Variants in SMG6 observed in about 807,000 individuals in gnomAD.
The protein encoded by SMG6 is telomerase-binding protein EST1A.
In SMG6, 66 loss-of-function variants were observed where a neutral mutation model predicts 142.2. That is an observed-to-expected ratio of 0.46 (90% CI 0.38 to 0.57). The LOEUF (loss-of-function observed/expected upper bound fraction) is 0.57. Among genes scored for constraint, SMG6 ranks in the 20% least tolerant of loss-of-function variants. The pLI, the probability that SMG6 is intolerant of heterozygous loss-of-function variation, is 0.00. For missense variants in SMG6, 1,793 were observed against 1,832.0 expected, an observed-to-expected ratio of 0.98 and a Z score of 0.39; for synonymous variants, 779 against 702.4, an observed-to-expected ratio of 1.11 and a Z score of -1.72.
chr17:2,169,293 A>C (rs1295020301), intron 13 of SMG6, among the ~76,000 whole-genome samples: 24 of 151,728 alleles, frequency 1.6e-4, no homozygotes, highest in Admixed American at 1.6e-3. Flanking sequence ...CCTGGGTGAC[A>C]AAGTGAGACT....
chr17:2,150,968 G>A (rs746421356), intron 13 of SMG6, among the ~76,000 whole-genome samples: 9 of 152,026 alleles, frequency 5.9e-5, no homozygotes, highest in Middle Eastern at 3.4e-3. Context: ...GCGTGCTGCC[G>A]CCTCAAGTAA....
At chr17:2,120,791 C>G (rs1206934899) in intron 13 of SMG6, among the ~76,000 whole-genome samples, 1 of 152,098 alleles carries the variant, frequency 6.6e-6, no homozygotes, top group East Asian at 1.9e-4. Flanking sequence ...AATGATATAT[C>G]ACCAGTCACC....
chr17:2,091,765 C>G (rs189411924), intron 13 of SMG6, among the ~76,000 whole-genome samples: 32 of 151,286 alleles, frequency 2.1e-4, no homozygotes, highest in Non-Finnish European at 3.5e-4. Context: ...CTGCCTCCCG[C>G]GTTCACGCCA....
rs118043525 is a variant in SMG6 at position 2,126,093 on chromosome 17, G to A, written c.3358-40192C>T. On this transcript the variant is annotated intron_variant, in intron 13 of 18. Transcript: ENST00000263073. ...AAAACTATACTAATCAAAACGGTGT[G>A]GTACTGGCATAGAATAGAACAGAAA... Among the ~76,000 whole-genome samples the A allele has an allele frequency of 8.4e-4, 128 of 152,208 alleles. 1 individual carries two copies. The East Asian group carries it at 0.02, about 24-fold the overall frequency.
chr17:2,127,659 T>C (rs1470100716), intron 13 of SMG6: 2 of 568,672 alleles, frequency 3.5e-6, no homozygotes, highest in African/African-American at 1.9e-5. Context: ...ACAATTCTTT[T>C]ACTCTGCTCT....
rs774435227 is a variant in SMG6, at chr17:2,172,721, C to T, written c.3294G>A (p.Ser1098=). 8 of 1,613,908 alleles carry T rather than the reference C, an allele frequency of 5.0e-6. No individual in the cohort carries two copies. The highest frequency in any genetic ancestry group is 2.7e-5 in the African/African-American group (2 of 74,872). Residue 1098 remains serine, a synonymous_variant, in exon 13 of 19, where the codon TCG becomes TCA. Coordinates refer to ENST00000263073, the MANE Select transcript of SMG6 (RefSeq NM_017575.5). The stretch of plus-strand genomic sequence containing the variant: ...GGGCAGCCAGCAAGGGGACAAAGCC[C>T]GAGAGAAGCCGATCCTCTTCCAGGA... ...LLILEEDRLL[S]GFVPLLAAPQ...
At chr17:2,283,146 G>A (rs754800452) in intron 7 of SMG6, among the ~76,000 whole-genome samples, 8 of 152,112 alleles carry the variant, frequency 5.3e-5, no homozygotes, top group Non-Finnish European at 7.3e-5. Context: ...CTCCAGTCTG[G>A]GCAACAAGAG....
intron 10 of SMG6, among the ~76,000 whole-genome samples, chr17:2,205,157 G>A (rs879886377): frequency 4.0e-5 from 6 of 151,786 alleles, no homozygotes; most frequent in Admixed American, 6.6e-5. Flanking sequence ...CAACCTCCGC[G>A]TCCCAGGATC....
chr17:2,183,964 T>C (rs1432411051), intron 12 of SMG6, among the ~76,000 whole-genome samples: 1 of 151,956 alleles, frequency 6.6e-6, no homozygotes, highest in Non-Finnish European at 1.5e-5. Flanking sequence ...TACAGAGACA[T>C]AGTTACACAC....
At chr17:2,280,878 G>C (rs1436404831) in intron 8 of SMG6, among the ~76,000 whole-genome samples, 1 of 152,116 alleles carries the variant, frequency 6.6e-6, no homozygotes, top group African/African-American at 2.4e-5. Flanking sequence ...CCAGGAGTTT[G>C]AGACCAGCCT....
intron 6 of SMG6, among the ~76,000 whole-genome samples, chr17:2,288,610 C>T (rs1474957220): frequency 7.9e-6 from 1 of 126,530 alleles, no homozygotes; most frequent in Non-Finnish European, 1.7e-5. Context: ...TGACAGAGAC[C>T]TTCTCTCAAT....
rs1194238896 is a variant in SMG6, at chr17:2,298,804, C to G, written c.1847+102G>C. ...TTACAACGTGAAAAGGAAATAATAC[C>G]CAGTGGCTCAGCTAAAAAGTTTCTA... On this transcript the variant is annotated intron_variant, in intron 2 of 18. Coordinates refer to ENST00000263073, the MANE Select transcript of SMG6 (RefSeq NM_017575.5). 4 of 1,037,620 alleles carry G rather than the reference C, an allele frequency of 3.9e-6. No individual in the cohort carries two copies. The East Asian group carries it at 9.6e-5, about 25-fold the overall frequency. The allele number at this position is 1,037,620 out of a possible 1,614,324, so 64.3% of individuals were successfully genotyped here.
At chr17:2,201,824 G>C (rs1329611853) in intron 10 of SMG6, among the ~76,000 whole-genome samples, 1 of 152,018 alleles carries the variant, frequency 6.6e-6, no homozygotes, top group Non-Finnish European at 1.5e-5. Context: ...AGGAGTTCGA[G>C]ACTAGCCTGG....
In SMG6 at chr17:2,302,971, T is replaced by C. The variant is rs115809984; in HGVS notation, c.88+662A>G. On this transcript the variant is annotated intron_variant, in intron 1 of 18. Coordinates refer to ENST00000263073, the MANE Select transcript of SMG6 (RefSeq NM_017575.5). Reference sequence around the variant, plus strand: ...ACAGCTACCATTCTACACAACTCTATTGCCTAACGCAGGAGAGGTGAGACA... The same window carrying C: ...ACAGCTACCATTCTACACAACTCTACTGCCTAACGCAGGAGAGGTGAGACA... The C allele has an allele frequency of 1.8e-3, 1,822 of 985,448 alleles. 27 individuals carry two copies. In the African/African-American group the frequency reaches 0.027, roughly 15 times the overall value. 61.0% of individuals were successfully genotyped at this position (985,448 alleles called of 1,614,324 possible). A position where few individuals can be genotyped will look rare whatever the true frequency, so the allele number is the denominator to read the frequency against.
intron 4 of SMG6, 139 bp downstream of exon 4, chr17:2,297,104 T>A: frequency 1.9e-6 from 1 of 524,864 alleles, no homozygotes; most frequent in Non-Finnish European, 3.3e-6. Context: ...CAATTGTTGG[T>A]TTAATCTATC....
chr17:2,140,260 G>C (rs751682269), intron 13 of SMG6, among the ~76,000 whole-genome samples: 7 of 151,266 alleles, frequency 4.6e-5, no homozygotes, highest in African/African-American at 1.5e-4. Context: ...ATGGGGTTTT[G>C]CCATGCTGCC....
chr17:2,286,195 T>C (rs1407611406), intron 6 of SMG6, among the ~76,000 whole-genome samples: 2 of 150,950 alleles, frequency 1.3e-5, no homozygotes, highest in Non-Finnish European at 2.9e-5. Context: ...TGGCAATACT[T>C]CCCAAAGCAA....
intron 8 of SMG6, among the ~76,000 whole-genome samples, chr17:2,281,589 T>C (rs1338045552): frequency 6.6e-6 from 1 of 152,138 alleles, no homozygotes; most frequent in East Asian, 1.9e-4. Flanking sequence ...GCACCCTCCT[T>C]GTCTCCTATT....
At chr17:2,182,595 C>T (rs2071840060) in intron 12 of SMG6, among the ~76,000 whole-genome samples, 1 of 152,156 alleles carries the variant, frequency 6.6e-6, no homozygotes, top group Non-Finnish European at 1.5e-5. Flanking sequence ...GAAATCTCTG[C>T]TTTAGCCTTC....
Sources: allele counts gnomAD v4.1 joint callset (sites outside exome capture counted in the v4.1 genomes callset), GRCh38; gene constraint gnomAD v4.1.1; transcripts MANE v1.5; gene names NCBI Gene and HGNC (gene_info 2026-07-23, HGNC 2026-07-21).